Variants in CAMK4 observed in about 807,000 individuals in gnomAD.
CAMK4 encodes calcium/calmodulin-dependent protein kinase type IV.
CAMK4 carries 22 observed loss-of-function variants against 44.9 expected under a neutral mutation model. That is an observed-to-expected ratio of 0.49 (90% CI 0.35 to 0.70). The LOEUF is 0.70. Ranked by LOEUF, CAMK4 falls within the 30% of genes least tolerant of loss-of-function variation. The probability of loss-of-function intolerance (pLI) is 0.01; values close to 1 mark genes in which losing one functional copy is unlikely to be tolerated. For missense variants in CAMK4, 498 were observed against 586.8 expected, an observed-to-expected ratio of 0.85 and a Z score of 1.56; for synonymous variants, 218 against 215.4, an observed-to-expected ratio of 1.01 and a Z score of -0.11.
intron 1 of CAMK4, among the ~76,000 whole-genome samples, chr5:111,262,119 A>C (rs1750007748): frequency 1.3e-5 from 2 of 151,952 alleles, no homozygotes; most frequent in East Asian, 3.9e-4. Flanking sequence ...GACACAGTTT[A>C]AGGTCCTCAT....
intron 1 of CAMK4, among the ~76,000 whole-genome samples, chr5:111,265,168 C>T (rs908714059): frequency 6.6e-6 from 1 of 152,104 alleles, no homozygotes; most frequent in African/African-American, 2.4e-5. Flanking sequence ...TCTGCTATAA[C>T]CCAAGCACCA....
intron 4 of CAMK4, among the ~76,000 whole-genome samples, chr5:111,390,260 G>A (rs982668022): frequency 2.0e-5 from 3 of 152,162 alleles, no homozygotes; most frequent in African/African-American, 7.2e-5. Flanking sequence ...ACTAAATAAG[G>A]AAAATGAGGT....
intron 5 of CAMK4, among the ~76,000 whole-genome samples, chr5:111,430,773 C>G (rs1277832052): frequency 6.6e-6 from 1 of 151,984 alleles, no homozygotes; most frequent in African/African-American, 2.4e-5. Context: ...ATAATTACAA[C>G]CATAAAATAC....
chr5:111,448,996 C>T, intron 6 of CAMK4, 133 bp from the exon 7 acceptor site: 1 of 480,636 alleles, frequency 2.1e-6, no homozygotes, highest in South Asian at 4.5e-5. Flanking sequence ...TTGTTCCCAC[C>T]CACCTTCACC....
chr5:111,332,742 G>C (rs1278146654), intron 1 of CAMK4, among the ~76,000 whole-genome samples: 4 of 151,442 alleles, frequency 2.6e-5, no homozygotes, highest in African/African-American at 9.7e-5. Context: ...CTGACTTCAG[G>C]GATTACAACA....
chr5:111,269,204 C>G lies in CAMK4; in HGVS notation c.161+44560C>G, dbSNP rs77134914. Among the ~76,000 whole-genome samples, 181 of 152,310 alleles carry G rather than the reference C, an allele frequency of 1.2e-3. 2 individuals are homozygous for G. The highest frequency in any genetic ancestry group is 8.5e-3 in the Admixed American group (130 of 15,308). ...CCTACTGTTCTGTATGTGAGCTGAT[C>G]TTCTGCAATGAGTAGTGGGGGTTTG... On this transcript the variant is annotated intron_variant, in intron 1 of 10. Transcript: ENST00000282356.
At chr5:111,417,434 T>G (rs565679974) in intron 5 of CAMK4, among the ~76,000 whole-genome samples, 1 of 152,114 alleles carries the variant, frequency 6.6e-6, no homozygotes, top group African/African-American at 2.4e-5. Context: ...CAGGCTGGTC[T>G]CAAACTCCTG....
chr5:111,410,692 C>T (rs537138533), intron 5 of CAMK4, among the ~76,000 whole-genome samples: 38 of 152,086 alleles, frequency 2.5e-4, no homozygotes, highest in African/African-American at 8.0e-4. Context: ...TGTCTTTGAC[C>T]CATAAAAAAT....
At chr5:111,430,225 C>G (rs1049566277) in intron 5 of CAMK4, among the ~76,000 whole-genome samples, 2 of 152,174 alleles carry the variant, frequency 1.3e-5, no homozygotes, top group Non-Finnish European at 2.9e-5. Flanking sequence ...ACCATGTGAT[C>G]ATTTCAATTG....
chr5:111,363,801 CA>C (rs1750688558), intron 2 of CAMK4, among the ~76,000 whole-genome samples: 1 of 152,068 alleles, frequency 6.6e-6, no homozygotes. Flanking sequence ...GAGGCCAAGC[CA>C]TCCTGTTTTA....
intron 2 of CAMK4, among the ~76,000 whole-genome samples, chr5:111,372,284 A>C (rs560539926): frequency 2.0e-4 from 31 of 152,228 alleles, no homozygotes; most frequent in African/African-American, 5.8e-4. Context: ...ATTTGAGGGA[A>C]CCAAGCCTCC....
intron 1 of CAMK4, among the ~76,000 whole-genome samples, chr5:111,333,155 G>C (rs574689652): frequency 4.0e-5 from 6 of 151,690 alleles, no homozygotes; most frequent in African/African-American, 1.2e-4. Flanking sequence ...GAATTGTGTA[G>C]ATACACATTA....
Position 111,486,049 on chromosome 5 carries a change from A to G in CAMK4, c.*1583A>G, listed in dbSNP as rs1198559426. 1 of 152,210 alleles carries G rather than the reference A, an allele frequency of 6.6e-6. No homozygotes were observed. The highest frequency in any genetic ancestry group is 1.5e-5 in the Non-Finnish European group (1 of 68,032). 9.4% of individuals were successfully genotyped at this position (152,210 alleles called of 1,614,324 possible). ...ATCCTTGTTAAAAAAGAGATCTTAA[A>G]TTATGTTGGCTCTCCCTCAAAACTA... On this transcript the variant is annotated 3_prime_UTR_variant, in exon 11 of 11. Transcript: ENST00000282356.
chr5:111,228,509 GGTGTGTGTGTGTGTGTGT>G (rs373248608), intron 1 of CAMK4, among the ~76,000 whole-genome samples: 4 of 145,254 alleles, frequency 2.8e-5, no homozygotes, highest in Admixed American at 6.9e-5. Context: ...CATAGTAAGG[GGTGTGTGTGTGTGTGTGT>G]GTGTGTGTGT....
intron 2 of CAMK4, among the ~76,000 whole-genome samples, chr5:111,368,479 A>G (rs573750938): frequency 5.7e-4 from 87 of 152,174 alleles, no homozygotes; most frequent in Middle Eastern, 3.2e-3. Flanking sequence ...CAAGACCCAC[A>G]CTTGTGTGAT....
At chr5:111,377,755 A>G (rs765109645) in intron 4 of CAMK4, among the ~76,000 whole-genome samples, 6 of 152,126 alleles carry the variant, frequency 3.9e-5, no homozygotes, top group Non-Finnish European at 8.8e-5. Context: ...TAGAAATGGT[A>G]AGAAGCCATG....
intron 2 of CAMK4, among the ~76,000 whole-genome samples, chr5:111,346,286 A>G (rs1255828041): frequency 1.3e-5 from 2 of 151,980 alleles, no homozygotes; most frequent in Admixed American, 6.6e-5. Flanking sequence ...GAAAACTTGA[A>G]TTATTTATGT....
intron 1 of CAMK4, among the ~76,000 whole-genome samples, chr5:111,331,326 C>T (rs547463669): frequency 6.6e-6 from 1 of 151,786 alleles, no homozygotes; most frequent in South Asian, 2.1e-4. Flanking sequence ...ATATAAGTCC[C>T]TGCAAAAGTA....
intron 2 of CAMK4, among the ~76,000 whole-genome samples, chr5:111,363,889 T>A (rs1561440551): frequency 6.6e-6 from 1 of 152,116 alleles, no homozygotes; most frequent in Non-Finnish European, 1.5e-5. Context: ...GAGAGTAACA[T>A]GATCTGATTT....
Sources: gnomAD v4.1 joint callset for allele counts (sites outside exome capture counted in the v4.1 genomes callset) on GRCh38, gnomAD v4.1.1 for gene constraint, MANE v1.5 for transcripts, NCBI Gene and HGNC (gene_info 2026-07-23, HGNC 2026-07-21) for gene names.